Variants in DPP10 observed in about 807,000 individuals in gnomAD.
DPP10 encodes inactive dipeptidyl peptidase 10.
Under a neutral mutation model 120.9 loss-of-function variants are expected in DPP10, and 33 were observed. That is an observed-to-expected ratio of 0.27 (90% confidence interval 0.21 to 0.37). The LOEUF (loss-of-function observed/expected upper bound fraction) is 0.37. Among genes scored for constraint, DPP10 ranks in the 10% least tolerant of loss-of-function variants. DPP10 has a pLI of 1.00. For synonymous variants in DPP10, 337 were observed against 326.1 expected, an observed-to-expected ratio of 1.03 and a Z score of -0.36; for missense variants, 816 against 942.8, an observed-to-expected ratio of 0.87 and a Z score of 1.76.
chr2:114,982,258 C>G (rs1700133581), intron 1 of DPP10, among the ~76,000 whole-genome samples: 1 of 152,144 alleles, frequency 6.6e-6, no homozygotes, highest in South Asian at 2.1e-4. Context: ...TTAAGGATTA[C>G]TACAAAAATA....
chr2:115,136,349 T>C (rs898051036), intron 1 of DPP10, among the ~76,000 whole-genome samples: 1 of 152,168 alleles, frequency 6.6e-6, no homozygotes, highest in African/African-American at 2.4e-5. Context: ...TCTGTGATGA[T>C]GTGGATGTCC....
chr2:114,662,469 G>A (rs1487802468), intron 1 of DPP10, among the ~76,000 whole-genome samples: 1 of 152,164 alleles, frequency 6.6e-6, no homozygotes, highest in Non-Finnish European at 1.5e-5. Flanking sequence ...CTCGGCGTGA[G>A]ACTTCGCGGG....
intron 1 of DPP10, among the ~76,000 whole-genome samples, chr2:114,920,611 T>G (rs528249905): frequency 1.2e-4 from 18 of 152,318 alleles, no homozygotes; most frequent in African/African-American, 4.1e-4. Context: ...CAAATTCCCT[T>G]AAGACTATAA....
intron 3 of DPP10, among the ~76,000 whole-genome samples, chr2:115,493,787 A>G (rs2076250945): frequency 6.6e-6 from 1 of 152,122 alleles, no homozygotes; most frequent in Non-Finnish European, 1.5e-5. Flanking sequence ...AAATTTCAGT[A>G]GAGCAAGGAC....
chr2:115,223,145 C>T (rs551788017), intron 1 of DPP10, among the ~76,000 whole-genome samples: 23 of 151,908 alleles, frequency 1.5e-4, no homozygotes, highest in Non-Finnish European at 2.6e-4. Context: ...TCAGAATAGA[C>T]CAATGTGAAG....
rs60549082 is a variant in DPP10, at chr2:115,728,288, T to TA, written c.697+370dup. On this transcript the variant is annotated intron_variant, in intron 8 of 25. Coordinates refer to ENST00000410059, the MANE Select transcript of DPP10 (RefSeq NM_020868.6). ...AAGAAGAAACAGAAACCTTTATTTC[T>TA]AAAAAAAAAAAAAAAAAATGCATAA... Among the ~76,000 whole-genome samples, 26 of 147,378 alleles carry TA rather than the reference T, an allele frequency of 1.8e-4. No homozygotes were observed. In the South Asian group the frequency reaches 2.1e-3, roughly 12 times the overall value.
At chr2:115,018,105 A>T (rs577668649) in intron 1 of DPP10, among the ~76,000 whole-genome samples, 1 of 152,358 alleles carries the variant, frequency 6.6e-6, no homozygotes, top group South Asian at 2.1e-4. Context: ...AAACATGAAA[A>T]AAAGCTCATC....
At chr2:115,561,257 G>A in intron 5 of DPP10, among the ~76,000 whole-genome samples, 1 of 150,204 alleles carries the variant, frequency 6.7e-6, no homozygotes, top group East Asian at 2.0e-4. Flanking sequence ...TACTCGGGAG[G>A]CTGAGACAGG....
At chr2:115,362,397 T>G (rs553192781) in intron 3 of DPP10, among the ~76,000 whole-genome samples, 1 of 152,316 alleles carries the variant, frequency 6.6e-6, no homozygotes, top group South Asian at 2.1e-4. Flanking sequence ...GAGCTTGAGT[T>G]TAAAGCAAAT....
At chr2:115,691,822 T>C (rs1280569058) in intron 7 of DPP10, among the ~76,000 whole-genome samples, 1 of 152,170 alleles carries the variant, frequency 6.6e-6, no homozygotes, top group Non-Finnish European at 1.5e-5. Flanking sequence ...TATTTAGTTA[T>C]TTAAGACTCT....
chr2:115,232,730 A>G (rs1489679359), intron 1 of DPP10, among the ~76,000 whole-genome samples: 2 of 152,244 alleles, frequency 1.3e-5, no homozygotes, highest in African/African-American at 2.4e-5. Context: ...TATTGAATGA[A>G]GTCAATGAAT....
intron 1 of DPP10, among the ~76,000 whole-genome samples, chr2:115,020,003 CT>C (rs1702954589): frequency 6.6e-6 from 1 of 152,176 alleles, no homozygotes; most frequent in Non-Finnish European, 1.5e-5. Context: ...ACTACAAGAA[CT>C]GCCAAAAGGA....
At chr2:115,468,344 A>G (rs997325543) in intron 3 of DPP10, 4 of 513,488 alleles carry the variant, frequency 7.8e-6, no homozygotes, top group African/African-American at 1.9e-5. Flanking sequence ...GAGCAACTCC[A>G]ATTGCTGGCT....
At chr2:115,363,538 T>C (rs2064909386) in intron 3 of DPP10, among the ~76,000 whole-genome samples, 1 of 152,170 alleles carries the variant, frequency 6.6e-6, no homozygotes, top group Non-Finnish European at 1.5e-5. Flanking sequence ...GGAAGGTTAG[T>C]TCTGTGTCTA....
chr2:115,552,268 A>G (rs1449063794), intron 5 of DPP10, among the ~76,000 whole-genome samples: 2 of 152,124 alleles, frequency 1.3e-5, no homozygotes, highest in Non-Finnish European at 2.9e-5. Flanking sequence ...CTCTGAGATT[A>G]AGTTATCTCC....
chr2:115,413,319 A>G (rs1390375737), intron 3 of DPP10, among the ~76,000 whole-genome samples: 1 of 152,182 alleles, frequency 6.6e-6, no homozygotes, highest in Non-Finnish European at 1.5e-5. Context: ...TGTGGAAAAC[A>G]TGCAAATAGA....
chr2:114,874,737 C>T (rs977674892), intron 1 of DPP10, among the ~76,000 whole-genome samples: 7 of 151,986 alleles, frequency 4.6e-5, no homozygotes, highest in Non-Finnish European at 1.0e-4. Context: ...GAAACCAGTC[C>T]CTGGTGCCAA....
chr2:115,748,983 A>G (rs1328117147), intron 10 of DPP10, among the ~76,000 whole-genome samples: 1 of 152,146 alleles, frequency 6.6e-6, no homozygotes, highest in Non-Finnish European at 1.5e-5. Context: ...CATTCAGTTT[A>G]TCTTTACCTG....
chr2:115,730,903 A>G (rs1019377979), intron 8 of DPP10, among the ~76,000 whole-genome samples: 8 of 152,182 alleles, frequency 5.3e-5, no homozygotes, highest in African/African-American at 1.9e-4. Context: ...TAATCATCAA[A>G]ATGTTTGTGC....
Sources: gnomAD v4.1 joint callset for allele counts (sites outside exome capture counted in the v4.1 genomes callset) on GRCh38, gnomAD v4.1.1 for gene constraint, MANE v1.5 for transcripts, NCBI Gene and HGNC (gene_info 2026-07-23, HGNC 2026-07-21) for gene names.